Variants in ZNF423 observed in about 807,000 individuals in gnomAD.
The protein encoded by ZNF423 is Ebf-associated zinc finger protein.
Under a neutral mutation model 95.8 loss-of-function variants are expected in ZNF423, and 12 were observed. The observed-to-expected ratio is 0.13, with a 90% CI of 0.08 to 0.20. The LOEUF (loss-of-function observed/expected upper bound fraction) is 0.20, where lower values mean the gene tolerates loss of function less well. Among genes scored for constraint, ZNF423 ranks in the 10% least tolerant of loss-of-function variants. The pLI is 1.00. For missense variants in ZNF423, 1,316 were observed against 1,737.1 expected (o/e 0.76, Z 4.31); for synonymous variants, 749 against 711.9 (o/e 1.05, Z -0.83).
chr16:49,708,304 T>A (rs2032425963), intron 3 of ZNF423: 1 of 152,078 alleles, frequency 6.6e-6, no homozygotes, highest in Non-Finnish European at 1.5e-5. Flanking sequence ...TTCTTTTTTT[T>A]TTCTTTTTTG....
intron 1 of ZNF423, among the ~76,000 whole-genome samples, chr16:49,818,709 G>A (rs1378589073): frequency 1.3e-5 from 2 of 151,668 alleles, no homozygotes; most frequent in African/African-American, 4.8e-5. Flanking sequence ...AAAATAGAGA[G>A]ATCTCATCTC....
rs546749691 is a variant in ZNF423, at chr16:49,603,994, T to C, written c.3601+22176A>G. On this transcript the variant is annotated intron_variant, in intron 5 of 7. Coordinates refer to ENST00000563137, the MANE Select transcript of ZNF423 (RefSeq NM_001379286.1). The surrounding 1 kb of genome is among the most constrained non-coding windows in gnomAD (Gnocchi z 4.1). Reference sequence around the variant, plus strand: ...CAAGCCCTGATACAGGGAGAAGCTTTTGATAGCAGGAACCCATTTGAGACG... The same window carrying C: ...CAAGCCCTGATACAGGGAGAAGCTTCTGATAGCAGGAACCCATTTGAGACG... 9.4e-4 allele frequency among the ~76,000 whole-genome samples: 143 copies of C among 152,304 alleles called. No individual in the cohort carries two copies. The highest frequency in any genetic ancestry group is 3.4e-3 in the Middle Eastern group (1 of 294).
At chr16:49,695,074 G>A (rs971003008) in intron 3 of ZNF423, among the ~76,000 whole-genome samples, 1 of 152,152 alleles carries the variant, frequency 6.6e-6, no homozygotes, top group African/African-American at 2.4e-5. Context: ...TCTGCACCGA[G>A]CAGCTCAGGC....
intron 5 of ZNF423, among the ~76,000 whole-genome samples, chr16:49,624,930 G>A (rs926210128): frequency 7.2e-5 from 11 of 152,238 alleles, no homozygotes; most frequent in Non-Finnish European, 1.5e-5. Flanking sequence ...GGTTACACAA[G>A]TGTGTTTAGT....
Position 49,636,554 on chromosome 16 carries a change from A to G in ZNF423, c.2622T>C (p.Pro874=). Residue 874 remains proline (P), a synonymous_variant, in exon 4 of 8, where the codon CCT becomes CCC. Transcript: ENST00000563137. The surrounding 1 kb of genome is among the most constrained non-coding windows in gnomAD (Gnocchi z 8.6). Reference sequence around the variant, plus strand: ...TGGCCTCATGGCTGTTAGGTGCCTCAGGGTTCTTAAGCAGCATGCCCTGCA... The same window carrying G: ...TGGCCTCATGGCTGTTAGGTGCCTCGGGGTTCTTAAGCAGCATGCCCTGCA... ...ADLQGMLLKN[P]EAPNSHEASE... is the part of the protein sequence containing the mutation. 3.7e-6 allele frequency: 6 copies of G among 1,613,746 alleles called. No individual in the cohort carries two copies. The highest frequency in any genetic ancestry group is 5.1e-6 in the Non-Finnish European group (6 of 1,180,002).
chr16:49,690,720 C>T (rs571780957), intron 3 of ZNF423, among the ~76,000 whole-genome samples: 4 of 152,130 alleles, frequency 2.6e-5, no homozygotes, highest in Non-Finnish European at 5.9e-5. Context: ...TATCCATGCC[C>T]GACAGGCGGT....
chr16:49,562,547 G>GTC (rs1342989731), intron 5 of ZNF423, among the ~76,000 whole-genome samples: 2 of 152,184 alleles, frequency 1.3e-5, no homozygotes, highest in Non-Finnish European at 2.9e-5. Context: ...AAAAAGTACA[G>GTC]TCTGGAAACT....
chr16:49,852,260 G>C (rs1282337923), intron 1 of ZNF423, among the ~76,000 whole-genome samples: 1 of 152,170 alleles, frequency 6.6e-6, no homozygotes, highest in Non-Finnish European at 1.5e-5. Flanking sequence ...CGGGTGTATG[G>C]ACATAGCCTG....
intron 1 of ZNF423, among the ~76,000 whole-genome samples, chr16:49,832,054 C>T (rs1240769097): frequency 6.6e-6 from 1 of 152,026 alleles, no homozygotes; most frequent in Non-Finnish European, 1.5e-5. Flanking sequence ...CTGACTTTTC[C>T]TCCTCTAAAG....
At chr16:49,725,528 A>G (rs1056285410) in intron 3 of ZNF423, among the ~76,000 whole-genome samples, 1 of 152,248 alleles carries the variant, frequency 6.6e-6, no homozygotes, top group Non-Finnish European at 1.5e-5. Context: ...ATAACGGGGA[A>G]CAAAACAGGT....
chr16:49,608,904 G>A (rs373884040), intron 5 of ZNF423, among the ~76,000 whole-genome samples: 6 of 152,134 alleles, frequency 3.9e-5, no homozygotes, highest in Admixed American at 3.3e-4. Context: ...GGCACTCACC[G>A]CCCGCTCTTC....
At chr16:49,852,696 G>A (rs1185835734) in intron 1 of ZNF423, among the ~76,000 whole-genome samples, 1 of 151,954 alleles carries the variant, frequency 6.6e-6, no homozygotes, top group African/African-American at 2.4e-5. Context: ...AACACTCCCG[G>A]CTTTAGGGTT....
intron 5 of ZNF423, among the ~76,000 whole-genome samples, chr16:49,562,740 T>C (rs1465430678): frequency 6.6e-6 from 1 of 152,174 alleles, no homozygotes; most frequent in African/African-American, 2.4e-5. Flanking sequence ...TTTGTCCAAA[T>C]AGCCAACGTT....
intron 3 of ZNF423, among the ~76,000 whole-genome samples, chr16:49,716,890 G>A (rs1367810499): frequency 2.0e-5 from 3 of 152,132 alleles, no homozygotes; most frequent in African/African-American, 7.2e-5. Flanking sequence ...AAATTTGGTT[G>A]GTTTCTCATT....
intron 2 of ZNF423, among the ~76,000 whole-genome samples, chr16:49,735,644 T>G (rs2033267745): frequency 6.6e-6 from 1 of 151,948 alleles, no homozygotes; most frequent in Non-Finnish European, 1.5e-5. Flanking sequence ...GCTTGCAGCT[T>G]CCCCCTGCAT....
intron 2 of ZNF423, among the ~76,000 whole-genome samples, chr16:49,756,478 C>T (rs988729367): frequency 3.3e-5 from 5 of 152,212 alleles, no homozygotes; most frequent in South Asian, 2.1e-4. Context: ...CACACTGATA[C>T]GGAATTGGAC....
Position 49,647,338 on chromosome 16 carries a change from T to C in ZNF423, c.302-8464A>G, listed in dbSNP as rs531014997. ...CAGGTAAAGTAGCCTGCTGCTTAAATAGCCTATGCAGAAGCAAACCTGGAG... is the reference window on the plus strand; with the variant it reads ...CAGGTAAAGTAGCCTGCTGCTTAAACAGCCTATGCAGAAGCAAACCTGGAG... On this transcript the variant is annotated intron_variant, in intron 3 of 7. Transcript: ENST00000563137. Among the ~76,000 whole-genome samples, 4 of 152,356 alleles carry C rather than the reference T, an allele frequency of 2.6e-5. No individual in the cohort carries two copies. In the East Asian group the frequency reaches 7.7e-4, roughly 29 times the overall value.
intron 3 of ZNF423, among the ~76,000 whole-genome samples, chr16:49,711,079 G>T (rs759532056): frequency 3.3e-5 from 5 of 152,158 alleles, no homozygotes; most frequent in Non-Finnish European, 7.3e-5. Context: ...GGATGGGATG[G>T]GACAGGATAG....
chr16:49,684,850 C>T (rs545036036), intron 3 of ZNF423, among the ~76,000 whole-genome samples: 31 of 152,364 alleles, frequency 2.0e-4, no homozygotes, highest in Admixed American at 1.3e-3. Context: ...GGGGCCCTGA[C>T]ACGCGGCCAG....
Sources: gnomAD v4.1 joint callset for allele counts (sites outside exome capture counted in the v4.1 genomes callset) on GRCh38, gnomAD v4.1.1 for gene constraint, Gnocchi (gnomAD v3.1) non-coding constraint, MANE v1.5 for transcripts, NCBI Gene and HGNC (gene_info 2026-07-23, HGNC 2026-07-21) for gene names.